Variants in ZDHHC24 observed in about 807,000 individuals in gnomAD.
ZDHHC24 encodes the protein zDHHC palmitoyltransferase 24.
ZDHHC24 carries 17 observed loss-of-function variants against 23.2 expected under a neutral mutation model. The ratio of observed to expected loss-of-function variants is 0.73; its 90% CI spans 0.50 to 1.10. ZDHHC24 has a LOEUF of 1.10. Among genes scored for constraint, ZDHHC24 ranks in the 50% least tolerant of loss-of-function variants. The pLI is 0.00. For synonymous variants in ZDHHC24, 186 were observed against 194.5 expected (o/e 0.96, Z 0.36); for missense variants, 366 against 393.0 (o/e 0.93, Z 0.58).
intron 4 of ZDHHC24, among the ~76,000 whole-genome samples, chr11:66,524,484 G>T (rs1334873619): frequency 1.3e-5 from 2 of 151,954 alleles, no homozygotes; most frequent in Non-Finnish European, 2.9e-5. Flanking sequence ...TGACAAGGGT[G>T]GGGGGTGAGA....
chr11:66,532,624 A>G, downstream of ZDHHC24: 1 of 154,998 alleles, frequency 6.5e-6, no homozygotes, highest in Non-Finnish European at 1.4e-5. Flanking sequence ...ACTTCTCTGA[A>G]ATCTTAGACT....
downstream of ZDHHC24, among the ~76,000 whole-genome samples, chr11:66,535,355 C>A (rs570410929): frequency 6.7e-6 from 1 of 150,106 alleles, no homozygotes; most frequent in Non-Finnish European, 1.5e-5. Context: ...ACACTACAGA[C>A]GCACTACCAC....
chr11:66,524,978 A>G (rs545301538), intron 4 of ZDHHC24, among the ~76,000 whole-genome samples: 53 of 152,264 alleles, frequency 3.5e-4, no homozygotes, highest in Non-Finnish European at 6.8e-4. Context: ...AGGCAGGCAG[A>G]TCACAAGGTC....
rs775261434 is a variant in ZDHHC24 at position 66,523,608 on chromosome 11, C to T, written c.*22-2142G>A. On this transcript the variant is annotated intron_variant, in intron 4 of 4. Coordinates refer to the ZDHHC24 transcript ENST00000526986. ...CCCCCAGCAAGCAGCAGCCCCTCCA[C>T]GCCTATGTCCCTAGCCCCCACTTGG... 27 of 1,613,690 alleles carry T rather than the reference C, an allele frequency of 1.7e-5. 1 individual carries two copies. The highest frequency in any genetic ancestry group is 3.3e-4 in the Middle Eastern group (2 of 6,082).
intron 4 of ZDHHC24, chr11:66,523,399 G>A (rs1403512703): frequency 1.9e-6 from 3 of 1,613,428 alleles, no homozygotes; most frequent in African/African-American, 1.3e-5. Flanking sequence ...AGGAGGGTCA[G>A]CCATAGAAGT....
intron 1 of ZDHHC24, 130 bp from the exon 2 acceptor site, chr11:66,544,111 TACAAGTAAATGCAGGCTAA>T (rs1369651491): frequency 8.2e-7 from 1 of 1,221,026 alleles, no homozygotes; most frequent in Non-Finnish European, 1.1e-6. Context: ...TCAATTTCTT[TACAAGTAAATGCAGGCTAA>T]ACAAGATGTC....
At position 66,536,766 on chromosome 11, in the gene ZDHHC24, C is replaced by T. The variant is rs535555391; in HGVS notation, c.*2763G>A. ...GGCACATGCCTGTAATCCCAGCTAC[C>T]GAGAGGCTGCAGCAGGAGAATCGCT... On this transcript the variant is annotated 3_prime_UTR_variant, in exon 3 of 3. Coordinates refer to ENST00000310442, the MANE Select transcript of ZDHHC24 (RefSeq NM_207340.3). 5 of 151,244 alleles carry T rather than the reference C, an allele frequency of 3.3e-5. No individual in the cohort carries two copies. Among genetic ancestry groups the T allele is most frequent in the South Asian group, 2.1e-4 (1 of 4,752 alleles). 9.4% of individuals were successfully genotyped at this position (151,244 alleles called of 1,614,324 possible).
chr11:66,529,949 C>T lies in ZDHHC24; in HGVS notation c.560-461G>A, dbSNP rs772427832. ...CCCGAGAGCCACTCAAGCTGCACGC[C>T]GTGGTGAGCATCTGGGTGAGGGCAG... On this transcript the variant is annotated intron_variant, in intron 2 of 4. Transcript: ENST00000526986. 27 of 1,600,994 alleles carry T rather than the reference C, an allele frequency of 1.7e-5. No individual in the cohort carries two copies. The highest frequency in any genetic ancestry group is 1.6e-4 in the Middle Eastern group (1 of 6,076).
rs1178491664 is a variant in ZDHHC24 at position 66,536,959 on chromosome 11, T to C, written c.*2570A>G. ...GACAAGGTGAGTCTGCTAATGCGTCTGTGCAGCCCAAAGTGCCAGGTACAC... is the reference window on the plus strand; with the variant it reads ...GACAAGGTGAGTCTGCTAATGCGTCCGTGCAGCCCAAAGTGCCAGGTACAC... On this transcript the variant is annotated 3_prime_UTR_variant, in exon 3 of 3. Transcript: ENST00000310442. 1 of 151,986 alleles carries C rather than the reference T, an allele frequency of 6.6e-6. No homozygotes were observed. The highest frequency in any genetic ancestry group is 1.9e-4 in the East Asian group (1 of 5,192). 9.4% of individuals were successfully genotyped at this position (151,986 alleles called of 1,614,324 possible).
chr11:66,521,554 A>C (rs1265710758), intron 4 of ZDHHC24: 2 of 661,636 alleles, frequency 3.0e-6, no homozygotes, highest in African/African-American at 3.6e-5. Flanking sequence ...GGCTTGTGAG[A>C]TAGGGGCTGG....
chr11:66,523,978 A>G (rs1856370791), intron 4 of ZDHHC24: 3 of 1,555,474 alleles, frequency 1.9e-6, no homozygotes, highest in East Asian at 4.5e-5. Context: ...ACATTGATGC[A>G]TTTCAAAAAC....
chr11:66,526,813 C>G, intron 4 of ZDHHC24: 1 of 1,614,206 alleles, frequency 6.2e-7, no homozygotes, highest in Non-Finnish European at 8.5e-7. Context: ...CACCGGTGAG[C>G]CTCAGACTGG....
At chr11:66,532,098 G>A (rs1177743406), downstream of ZDHHC24, 1 of 1,505,200 alleles carries the variant, frequency 6.6e-7, no homozygotes, top group African/African-American at 1.4e-5. Context: ...CGGGTTTAGT[G>A]GCCCCAGGCC....
intron 2 of ZDHHC24, chr11:66,529,797 C>A: frequency 1.2e-6 from 2 of 1,609,772 alleles, no homozygotes; most frequent in South Asian, 1.1e-5. Context: ...CCACCGTCAG[C>A]CTCTGGGACC....
In ZDHHC24 at chr11:66,522,950, C is replaced by T. The variant is rs1226386930; in HGVS notation, c.*22-1484G>A. On this transcript the variant is annotated intron_variant, in intron 4 of 4. Transcript: ENST00000526986. ...AGAAAGTCGGGAAGAGTGTTGTAGG[C>T]CAACTCAAAGTGGGAAAGACATTGG... 5 of 358,622 alleles carry T rather than the reference C, an allele frequency of 1.4e-5. No homozygotes were observed. The East Asian group carries it at 2.9e-4, about 21-fold the overall frequency. The allele number at this position is 358,622 out of a possible 1,614,324, so 22.2% of individuals were successfully genotyped here.
chr11:66,526,785 G>A lies in ZDHHC24; in HGVS notation c.*21+151C>T, dbSNP rs1856525583. 6.2e-7 allele frequency: 1 copy of A among 1,614,250 alleles called. No homozygotes were observed. Among genetic ancestry groups the A allele is most frequent in the Middle Eastern group, 1.6e-4 (1 of 6,062 alleles). On this transcript the variant is annotated intron_variant, in intron 4 of 4. Coordinates refer to the ZDHHC24 transcript ENST00000526986. ...CCCGGCTTTACGTGGATCAGACACT[G>A]CGAGAGCGGGAGGCTGGCACCGGTG... is the stretch of plus-strand genomic sequence containing the variant.
intron 4 of ZDHHC24, among the ~76,000 whole-genome samples, chr11:66,522,327 T>C (rs1447668398): frequency 1.3e-5 from 2 of 151,644 alleles, no homozygotes; most frequent in African/African-American, 2.4e-5. Context: ...TAATATTCCA[T>C]ATAAAATGCT....
rs1236013252 is a variant in ZDHHC24 at position 66,545,605 on chromosome 11, GTCTGAT to G, written c.281+112_281+117del. ...CTTCCATCCCAGGTTCTAAAAAAATGTCTGATTCTAACAACCTGGATCCTAATGTAA... is the reference window on the plus strand; with the variant it reads ...CTTCCATCCCAGGTTCTAAAAAAATGTCTAACAACCTGGATCCTAATGTAA... On this transcript the variant is annotated intron_variant, in intron 1 of 2. Coordinates refer to ENST00000310442, the MANE Select transcript of ZDHHC24 (RefSeq NM_207340.3). This position sits in a 1 kb window ranked among gnomAD's most constrained non-coding sequence, Gnocchi z 4.5. 34 of 1,211,224 alleles carry G rather than the reference GTCTGAT, an allele frequency of 2.8e-5. No individual in the cohort carries two copies. The highest frequency in any genetic ancestry group is 3.5e-5 in the Non-Finnish European group (32 of 912,050). The allele number at this position is 1,211,224 out of a possible 1,614,324, so 75.0% of individuals were successfully genotyped here. A position where few individuals can be genotyped will look rare whatever the true frequency, so the allele number is the denominator to read the frequency against.
In ZDHHC24 at chr11:66,546,037, T is replaced by G. The variant is rs1270929346; in HGVS notation, c.-34A>C. On this transcript the variant is annotated 5_prime_UTR_variant, in exon 1 of 3. Coordinates refer to ENST00000310442, the MANE Select transcript of ZDHHC24 (RefSeq NM_207340.3). ...CACCCAGCTGTCGGAGCCGGAGGAC[T>G]AGGCCGCTTCCGTATTGGGGCGGAG... 1 of 1,371,474 alleles carries G rather than the reference T, an allele frequency of 7.3e-7. No homozygotes were observed. The highest frequency in any genetic ancestry group is 9.3e-7 in the Non-Finnish European group (1 of 1,070,622). 85.0% of individuals were successfully genotyped at this position (1,371,474 alleles called of 1,614,324 possible). A position where few individuals can be genotyped will look rare whatever the true frequency, so the allele number is the denominator to read the frequency against.
Sources: gnomAD v4.1 joint callset for allele counts (sites outside exome capture counted in the v4.1 genomes callset) on GRCh38, gnomAD v4.1.1 for gene constraint, Gnocchi (gnomAD v3.1) non-coding constraint, MANE v1.5 for transcripts, NCBI Gene and HGNC (gene_info 2026-07-23, HGNC 2026-07-21) for gene names.